The following ADAMTSL3 variants were observed in gnomAD, a reference collection of about 807,000 sequenced individuals.
ADAMTSL3 encodes ADAMTS-like protein 3.
ADAMTSL3 carries 128 observed loss-of-function variants against 201.7 expected under a neutral mutation model. That is an observed-to-expected ratio of 0.63 (90% CI 0.55 to 0.73). ADAMTSL3 has a LOEUF of 0.73. Among genes scored for constraint, ADAMTSL3 ranks in the 30% least tolerant of loss-of-function variants. The pLI, the probability that ADAMTSL3 is intolerant of heterozygous loss-of-function variation, is 0.00. For missense variants in ADAMTSL3, 1,990 were observed against 2,119.6 expected, an observed-to-expected ratio of 0.94 and a Z score of 1.20; for synonymous variants, 738 against 748.4, an observed-to-expected ratio of 0.99 and a Z score of 0.23.
At chr15:83,995,310 A>G (rs1266011390) in intron 23 of ADAMTSL3, among the ~76,000 whole-genome samples, 1 of 152,214 alleles carries the variant, frequency 6.6e-6, no homozygotes, top group African/African-American at 2.4e-5. Flanking sequence ...ATAGATGTAG[A>G]CAAAGCATCT....
intron 3 of ADAMTSL3, among the ~76,000 whole-genome samples, chr15:83,767,593 T>C (rs908500764): frequency 6.6e-6 from 1 of 152,152 alleles, no homozygotes; most frequent in African/African-American, 2.4e-5. Context: ...TCATTAACCT[T>C]CAGAGCTGGG....
At chr15:83,922,203 G>A (rs963174481) in intron 16 of ADAMTSL3, among the ~76,000 whole-genome samples, 1 of 152,240 alleles carries the variant, frequency 6.6e-6, no homozygotes, top group African/African-American at 2.4e-5. Context: ...TAGGACCAAT[G>A]TATGGGATGG....
intron 6 of ADAMTSL3, among the ~76,000 whole-genome samples, chr15:83,831,784 T>G (rs997926593): frequency 6.6e-6 from 1 of 152,086 alleles, no homozygotes; most frequent in Non-Finnish European, 1.5e-5. Context: ...ACTCTAAGCA[T>G]TTGTGGGAGC....
chr15:83,829,216 T>G (rs1167467743), intron 6 of ADAMTSL3, among the ~76,000 whole-genome samples: 1 of 152,212 alleles, frequency 6.6e-6, no homozygotes, highest in Non-Finnish European at 1.5e-5. Flanking sequence ...CTGTTATTGG[T>G]CTATTCAGAG....
At chr15:83,858,623 T>G (rs947593589) in intron 7 of ADAMTSL3, 143 bp from the exon 8 acceptor site, 3 of 594,540 alleles carry the variant, frequency 5.0e-6, no homozygotes, top group Non-Finnish European at 8.7e-6. Flanking sequence ...TCTGCCTGCC[T>G]TGGCCTCCTG....
chr15:83,825,167 G>A (rs984031449), intron 6 of ADAMTSL3, among the ~76,000 whole-genome samples: 1 of 152,004 alleles, frequency 6.6e-6, no homozygotes, highest in Non-Finnish European at 1.5e-5. Context: ...TTTATAAACC[G>A]TCTATTGTTC....
At chr15:83,948,552 G>T (rs1238745302) in intron 19 of ADAMTSL3, among the ~76,000 whole-genome samples, 1 of 152,098 alleles carries the variant, frequency 6.6e-6, no homozygotes, top group Non-Finnish European at 1.5e-5. Context: ...AAGAAACTTG[G>T]TTGGGCTTCC....
chr15:83,707,026 CCAAT>C (rs2061862548), intron 3 of ADAMTSL3, among the ~76,000 whole-genome samples: 1 of 152,038 alleles, frequency 6.6e-6, no homozygotes, highest in Non-Finnish European at 1.5e-5. Flanking sequence ...AAGGATAAAA[CCAAT>C]CAAATACTAT....
At chr15:83,708,469 C>T (rs888562713) in intron 3 of ADAMTSL3, among the ~76,000 whole-genome samples, 3 of 152,050 alleles carry the variant, frequency 2.0e-5, no homozygotes, top group Non-Finnish European at 4.4e-5. Context: ...TAATGGGAGG[C>T]GTAAAAGCCA....
intron 2 of ADAMTSL3, among the ~76,000 whole-genome samples, chr15:83,687,327 A>G (rs898732307): frequency 2.6e-5 from 4 of 152,212 alleles, no homozygotes; most frequent in Non-Finnish European, 4.4e-5. Flanking sequence ...AAAATCCTAA[A>G]TGAGATATTT....
At chr15:83,887,804 T>TGGTCTCCAACTGGTGGGCCCAAGCC in intron 10 of ADAMTSL3, among the ~76,000 whole-genome samples, 1 of 152,290 alleles carries the variant, frequency 6.6e-6, no homozygotes, top group South Asian at 2.1e-4. Flanking sequence ...TTGCCCAGGC[T>TGGTCTCCAACTGGTGGGCCCAAGCC]GGTCTCCAAC....
In ADAMTSL3 at chr15:83,820,122, T is replaced by G. The variant is rs2063838200; in HGVS notation, c.600+75T>G. 6 of 1,322,642 alleles carry G rather than the reference T, an allele frequency of 4.5e-6. No homozygotes were observed. In the African/African-American group the frequency reaches 7.2e-5, roughly 16 times the overall value. 81.9% of individuals were successfully genotyped at this position (1,322,642 alleles called of 1,614,324 possible). On this transcript the variant is annotated intron_variant, in intron 6 of 29. Transcript: ENST00000286744. ...ACTGTCAATAAACAGAACCCTTTTC[T>G]TCTGTATTTTTGTTCATGCAGATGT...
chr15:83,839,970 G>T (rs1348828130), intron 7 of ADAMTSL3, among the ~76,000 whole-genome samples: 1 of 152,278 alleles, frequency 6.6e-6, no homozygotes, highest in East Asian at 1.9e-4. Context: ...TTTCTTTGTG[G>T]TTGGAGGGTT....
In ADAMTSL3 at chr15:83,954,331, T is replaced by C. The variant is rs543325211; in HGVS notation, c.2490+11249T>C. Among the ~76,000 whole-genome samples the C allele has an allele frequency of 2.6e-5, 4 of 152,364 alleles. No individual in the cohort carries two copies. In the East Asian group the frequency reaches 7.7e-4, roughly 29 times the overall value. The stretch of plus-strand genomic sequence containing the variant: ...TCTGCTGCCAAGAGACTCTGATACA[T>C]TCTTCAGTATGTCAATTGTATTTTT... On this transcript the variant is annotated intron_variant, in intron 19 of 29. Transcript: ENST00000286744.
chr15:83,922,244 A>G (rs2066160991), intron 16 of ADAMTSL3, among the ~76,000 whole-genome samples: 1 of 152,178 alleles, frequency 6.6e-6, no homozygotes, highest in South Asian at 2.1e-4. Flanking sequence ...TTCAAAATAT[A>G]CTCTACCTCA....
rs1340493042 is a variant in ADAMTSL3, at chr15:83,901,369, A to T, written c.1700+1638A>T. On this transcript the variant is annotated intron_variant, in intron 15 of 29. Coordinates refer to ENST00000286744, the MANE Select transcript of ADAMTSL3 (RefSeq NM_207517.3). Reference sequence around the variant, plus strand: ...GACCAAAGGAGGAAGGAGTTTAAGGAGGCAAGGAGGCAAGCAGCAGATGGA... The same window carrying T: ...GACCAAAGGAGGAAGGAGTTTAAGGTGGCAAGGAGGCAAGCAGCAGATGGA... Among the ~76,000 whole-genome samples, 3 of 152,050 alleles carry T rather than the reference A, an allele frequency of 2.0e-5. 1 individual carries two copies. Among genetic ancestry groups the T allele is most frequent in the Admixed American group, 2.0e-4 (3 of 15,258 alleles).
intron 8 of ADAMTSL3, 93 bp downstream of exon 8, chr15:83,858,933 C>G (rs1188197337): frequency 1.8e-6 from 2 of 1,104,688 alleles, no homozygotes; most frequent in African/African-American, 1.6e-5. Context: ...ACCAAACCAA[C>G]AAGCAAAAAA....
chr15:83,891,133 G>T (rs2065491225), intron 11 of ADAMTSL3, 196 bp from the exon 12 acceptor site: 1 of 524,952 alleles, frequency 1.9e-6, no homozygotes. Context: ...TAGAACTGGG[G>T]AATTTGTGTC....
chr15:83,923,952 C>G lies in ADAMTSL3; in HGVS notation c.2036C>G (p.Thr679Arg), dbSNP rs748275978. The G allele has an allele frequency of 1.5e-5, 24 of 1,614,050 alleles. No individual in the cohort carries two copies. In the Middle Eastern group the frequency reaches 9.9e-4, roughly 66 times the overall value. Residue 679 changes from threonine (T) to arginine (R), a missense_variant, in exon 17 of 30, where the codon ACA becomes AGA. By Grantham distance (71) the Thr-to-Arg change is moderately conservative (BLOSUM62 -1). Coordinates refer to ENST00000286744, the MANE Select transcript of ADAMTSL3 (RefSeq NM_207517.3). Reference sequence around the variant, plus strand: ...TGCTTACATATCCAGACCCAGCAGACAGTCAATGACAGCTTGTGTGATATG... The same window carrying G: ...TGCTTACATATCCAGACCCAGCAGAGAGTCAATGACAGCTTGTGTGATATG... ...AVCLHIQTQQTVNDSLCDMVH... is the reference protein window; with the variant it reads ...AVCLHIQTQQRVNDSLCDMVH...
Sources: allele counts gnomAD v4.1 joint callset (sites outside exome capture counted in the v4.1 genomes callset), GRCh38; gene constraint gnomAD v4.1.1; transcripts MANE v1.5; gene names NCBI Gene and HGNC (gene_info 2026-07-23, HGNC 2026-07-21).